The following ZNF517 variants were observed in gnomAD, a reference collection of about 807,000 sequenced individuals.
ZNF517 encodes the protein zinc finger protein 517.
ZNF517 carries 12 observed loss-of-function variants against 12.1 expected under a neutral mutation model. That is an observed-to-expected ratio of 0.99 (90% CI 0.63 to 1.61). ZNF517 has a LOEUF of 1.61. ZNF517 is among the 40% of genes most tolerant of loss of function. The pLI, the probability that ZNF517 is intolerant of heterozygous loss-of-function variation, is 0.00. For missense variants in ZNF517, 781 were observed against 693.2 expected (o/e 1.13, Z -1.42); for synonymous variants, 388 against 310.2 (o/e 1.25, Z -2.63).
chr8:144,804,194 T>C lies in ZNF517; in HGVS notation c.230T>C (p.Leu77Pro). Residue 77 changes from leucine to proline, a missense_variant, in exon 4 of 5, where the codon CTG becomes CCG. Transcript: ENST00000359971. ...GGAGAGGAGCCGGGGGCCTTGATTC[T>C]GCAGGTGGCTGAACAGAGCGTGGCC... ...EQGEEPGALI[L>P]QVAEQSVAKA... The C allele has an allele frequency of 6.2e-7, 1 of 1,614,130 alleles. No individual in the cohort carries two copies. The highest frequency in any genetic ancestry group is 8.5e-7 in the Non-Finnish European group (1 of 1,179,996).
In ZNF517 at chr8:144,807,223, C is replaced by T. The variant is rs1344787065; in HGVS notation, c.307C>T (p.Pro103Ser). 3 of 1,543,594 alleles carry T rather than the reference C, an allele frequency of 1.9e-6. No homozygotes were observed. In the Admixed American group the frequency reaches 6.4e-5, roughly 33 times the overall value. ...SRMEAGIMES[P>S]LQRKLSRQAG... ...GATGGAGGCTGGGATCATGGAGTCT[C>T]CTCTGCAGAGAAAGCTCTCCAGGCA... The change falls in exon 5 of 5, where the codon CCT (proline) becomes TCT (serine). Residue 103 changes from proline to serine, a missense_variant. Pro to Ser is a moderately conservative substitution (Grantham distance 74). Coordinates refer to ENST00000359971, the MANE Select transcript of ZNF517 (RefSeq NM_213605.3).
chr8:144,806,534 G>A (rs1827231578), intron 4 of ZNF517, among the ~76,000 whole-genome samples: 2 of 152,034 alleles, frequency 1.3e-5, no homozygotes, highest in Non-Finnish European at 1.5e-5. Context: ...GCCCAGGCTG[G>A]AGTGCAGTGG....
chr8:144,800,104 G>A (rs1434219234), intron 1 of ZNF517, among the ~76,000 whole-genome samples: 1 of 151,802 alleles, frequency 6.6e-6, no homozygotes, highest in Non-Finnish European at 1.5e-5. Context: ...CGAGGAACAG[G>A]GCTTATTCTG....
In ZNF517 at chr8:144,808,058, C is replaced by G. The variant is rs1481605429; in HGVS notation, c.1142C>G (p.Ser381Cys). 1 of 1,607,630 alleles carries G rather than the reference C, an allele frequency of 6.2e-7. No individual in the cohort carries two copies. Among genetic ancestry groups the G allele is most frequent in the Non-Finnish European group, 8.5e-7 (1 of 1,177,502 alleles). Residue 381 changes from serine (S) to cysteine (C), a missense_variant, in exon 5 of 5, where the codon TCC becomes TGC. Transcript: ENST00000359971. The stretch of plus-strand genomic sequence containing the variant: ...TGCGGGAGGCCGTTCCGACACAACT[C>G]CCTGCTGCTGCTGCACCTGCGCCTA... ...PVCGRPFRHN[S>C]LLLLHLRLHT...
rs1407276757 is a variant in ZNF517 at position 144,809,936 on chromosome 8, C to T, written c.*1541C>T. 1 of 409,160 alleles carries T rather than the reference C, an allele frequency of 2.4e-6. No individual in the cohort carries two copies. Among genetic ancestry groups the T allele is most frequent in the Non-Finnish European group, 4.4e-6 (1 of 228,256 alleles). The allele number at this position is 409,160 out of a possible 1,614,324, so 25.3% of individuals were successfully genotyped here. A position where few individuals can be genotyped will look rare whatever the true frequency, so the allele number is the denominator to read the frequency against. ...GGTGTGGTGCTGGGTGCCTGTAATC[C>T]CAGCTACTCGGGAGGCTGAAGCAGG... On this transcript the variant is annotated 3_prime_UTR_variant, in exon 5 of 5. Transcript: ENST00000359971.
intron 1 of ZNF517, chr8:144,800,361 C>T (rs1275247662): frequency 2.0e-6 from 1 of 493,028 alleles, no homozygotes; most frequent in Non-Finnish European, 2.6e-6. Context: ...GTTTTTTTCC[C>T]CTCTAACCAG....
At chr8:144,803,091 C>A in intron 2 of ZNF517, 144 bp downstream of exon 2, 2 of 1,077,258 alleles carry the variant, frequency 1.9e-6, no homozygotes, top group Non-Finnish European at 2.6e-6. Context: ...AGCCTCCTCG[C>A]TCTATGGCCA....
intron 1 of ZNF517, chr8:144,800,456 C>T: frequency 3.1e-6 from 3 of 981,498 alleles, no homozygotes; most frequent in Non-Finnish European, 2.4e-6. Context: ...CCAAGTCCTA[C>T]CCTAGTCCTG....
Position 144,807,878 on chromosome 8 carries a change from G to A in ZNF517, c.962G>A (p.Arg321Gln), listed in dbSNP as rs1827344195. The change falls in exon 5 of 5, where the codon CGG becomes CAG. Residue 321 changes from arginine to glutamine, a missense_variant. Physicochemically the swap from Arg to Gln is conservative, Grantham distance 43. Transcript: ENST00000359971. ...HSGERPYRCL[R>Q]CGQRFIRGSS... ...GGGGAGCGGCCCTACCGGTGCCTGCGGTGTGGGCAGCGCTTCATCCGAGGG... is the reference window on the plus strand; with the variant it reads ...GGGGAGCGGCCCTACCGGTGCCTGCAGTGTGGGCAGCGCTTCATCCGAGGG... The A allele has an allele frequency of 1.9e-6, 3 of 1,561,552 alleles. No individual in the cohort carries two copies. The highest frequency in any genetic ancestry group is 1.4e-5 in the African/African-American group (1 of 73,436).
intron 2 of ZNF517, 52 bp from the exon 3 acceptor site, chr8:144,803,589 T>C (rs1315960502): frequency 1.2e-6 from 2 of 1,607,478 alleles, no homozygotes. Flanking sequence ...TCTCATCTGC[T>C]GGGTTCTCAC....
chr8:144,806,990 C>G (rs189710983), intron 4 of ZNF517, among the ~76,000 whole-genome samples: 2 of 152,194 alleles, frequency 1.3e-5, no homozygotes, highest in Non-Finnish European at 2.9e-5. Flanking sequence ...TCGATCTCGG[C>G]TCACTACAAC....
intron 1 of ZNF517, chr8:144,800,512 C>G (rs1174170826): frequency 4.1e-6 from 4 of 985,150 alleles, no homozygotes; most frequent in Admixed American, 1.2e-4. Context: ...GTTGAGGGGT[C>G]GGGGATCAAG....
intron 1 of ZNF517, among the ~76,000 whole-genome samples, chr8:144,802,447 A>G (rs971480625): frequency 1.3e-5 from 2 of 152,242 alleles, no homozygotes; most frequent in African/African-American, 2.4e-5. Flanking sequence ...TTCTGAGCAC[A>G]TGCTGTGTGC....
downstream of ZNF517, among the ~76,000 whole-genome samples, chr8:144,813,503 C>T (rs1412484769): frequency 6.6e-6 from 1 of 151,920 alleles, no homozygotes; most frequent in Admixed American, 6.6e-5. Context: ...TAAATGCAAT[C>T]CCCATCAAAA....
At chr8:144,802,767 A>G (rs1827030006) in intron 1 of ZNF517, 103 bp from the exon 2 acceptor site, 3 of 1,533,262 alleles carry the variant, frequency 2.0e-6, no homozygotes, top group Admixed American at 3.8e-5. Flanking sequence ...TTGCCCTAGC[A>G]CTTTACCCTC....
Position 144,807,325 on chromosome 8 carries a change from C to A in ZNF517, c.409C>A (p.Pro137Thr). 6.4e-7 allele frequency: 1 copy of A among 1,552,284 alleles called. No homozygotes were observed. Among genetic ancestry groups the A allele is most frequent in the African/African-American group, 1.4e-5 (1 of 73,472 alleles). The change falls in exon 5 of 5, where the codon CCG (proline) becomes ACG (threonine). Residue 137 changes from proline to threonine, a missense_variant. Transcript: ENST00000359971. ...PVGGHPAPPH[P>T]HGGPEDGSDK... ...GGGGGGGCACCCTGCACCACCCCAC[C>A]CGCATGGCGGTCCTGAGGACGGGTC...
chr8:144,810,732 G>A (rs1827530153), downstream of ZNF517: 1 of 156,186 alleles, frequency 6.4e-6, no homozygotes. Context: ...GGGATGTGCA[G>A]CACACATCTT....
In ZNF517 at chr8:144,801,165, G is replaced by A. The variant is rs114964207; in HGVS notation, c.-45-1705G>A. ...GCTTTTTGTTAACTGATGCCTAAAG[G>A]GAAACATCTCTTTACAAAGTGGCAG... On this transcript the variant is annotated intron_variant, in intron 1 of 4. Transcript: ENST00000359971. Among the ~76,000 whole-genome samples the A allele has an allele frequency of 5.2e-3, 789 of 152,160 alleles. 8 individuals carry two copies. The highest frequency in any genetic ancestry group is 0.018 in the African/African-American group (737 of 41,512).
chr8:144,802,447 A>T (rs971480625), intron 1 of ZNF517, among the ~76,000 whole-genome samples: 2 of 152,242 alleles, frequency 1.3e-5, no homozygotes, highest in Admixed American at 6.5e-5. Flanking sequence ...TTCTGAGCAC[A>T]TGCTGTGTGC....
Sources: gnomAD v4.1 joint callset for allele counts (sites outside exome capture counted in the v4.1 genomes callset) on GRCh38, gnomAD v4.1.1 for gene constraint, MANE v1.5 for transcripts, NCBI Gene and HGNC (gene_info 2026-07-23, HGNC 2026-07-21) for gene names.